Variants in DNAH12 observed in about 807,000 individuals in gnomAD.
The protein encoded by DNAH12 is axonemal beta dynein heavy chain 12.
DNAH12 carries 285 observed loss-of-function variants against 371.5 expected under a neutral mutation model. The observed-to-expected ratio is 0.77, with a 90% CI of 0.70 to 0.85. The LOEUF (loss-of-function observed/expected upper bound fraction) is 0.85, where lower values mean the gene tolerates loss of function less well. Among genes scored for constraint, DNAH12 ranks in the 40% least tolerant of loss-of-function variants. The pLI, the probability that DNAH12 is intolerant of heterozygous loss-of-function variation, is 0.00. For missense variants in DNAH12, 3,611 were observed against 3,689.4 expected (o/e 0.98, Z 0.55); for synonymous variants, 1,200 against 1,213.0 (o/e 0.99, Z 0.22).
intron 25 of DNAH12, among the ~76,000 whole-genome samples, chr3:57,451,300 TTAGCAAA>T (rs2065749552): frequency 6.6e-6 from 1 of 152,190 alleles, no homozygotes; most frequent in Non-Finnish European, 1.5e-5. Context: ...GTTGCCAGAT[TTAGCAAA>T]TAAAAATACA....
At chr3:57,414,283 A>G (rs930320180) in intron 38 of DNAH12, among the ~76,000 whole-genome samples, 2 of 152,220 alleles carry the variant, frequency 1.3e-5, no homozygotes, top group African/African-American at 4.8e-5. Flanking sequence ...TTTGTATAGT[A>G]TATGCATGTT....
At chr3:57,398,275 A>T (rs1314897295) in intron 43 of DNAH12, among the ~76,000 whole-genome samples, 3 of 152,194 alleles carry the variant, frequency 2.0e-5, no homozygotes, top group African/African-American at 7.2e-5. Flanking sequence ...AAGGTGGAGC[A>T]AGCCTAAGGG....
chr3:57,298,851 G>A (rs965783054), intron 70 of DNAH12, among the ~76,000 whole-genome samples: 4 of 152,138 alleles, frequency 2.6e-5, no homozygotes, highest in Admixed American at 2.0e-4. Context: ...TCCCCTGTAA[G>A]CTCTTGGCAG....
chr3:57,521,899 A>G (rs1221737880), intron 4 of DNAH12, among the ~76,000 whole-genome samples: 3 of 151,960 alleles, frequency 2.0e-5, no homozygotes, highest in Non-Finnish European at 4.4e-5. Flanking sequence ...AAAAAGAGAC[A>G]GGTGGAGGTC....
chr3:57,543,922 C>T (rs1343423511), intron 1 of DNAH12, among the ~76,000 whole-genome samples: 5 of 152,012 alleles, frequency 3.3e-5, no homozygotes, highest in African/African-American at 1.2e-4. Context: ...TGGCAGGCGC[C>T]TGTAATCCCA....
chr3:57,391,518 T>C (rs1346985391), intron 45 of DNAH12, among the ~76,000 whole-genome samples: 1 of 152,192 alleles, frequency 6.6e-6, no homozygotes, highest in Non-Finnish European at 1.5e-5. Context: ...AATAAATTTC[T>C]TTACATACAA....
intron 2 of DNAH12, among the ~76,000 whole-genome samples, chr3:57,530,030 G>C (rs2068786727): frequency 6.6e-6 from 1 of 151,944 alleles, no homozygotes; most frequent in South Asian, 2.1e-4. Flanking sequence ...ATTTCCATCT[G>C]TTTGTATAGT....
upstream of DNAH12, among the ~76,000 whole-genome samples, chr3:57,546,666 AAAT>A (rs2069580486): frequency 6.6e-6 from 1 of 152,206 alleles, no homozygotes; most frequent in East Asian, 1.9e-4. Flanking sequence ...TGGTTAGGCT[AAAT>A]TAGAAGAACT....
rs114028076 is a variant in DNAH12, at chr3:57,438,640, C to A, written c.4546-1580G>T. 9.4e-3 allele frequency among the ~76,000 whole-genome samples: 1,430 copies of A among 152,056 alleles called. 25 individuals are homozygous for A. The highest frequency in any genetic ancestry group is 0.032 in the African/African-American group (1,334 of 41,472). On this transcript the variant is annotated intron_variant, in intron 29 of 73. Coordinates refer to ENST00000495027, the MANE Select transcript of DNAH12 (RefSeq NM_001366028.2). ...AGCATTTCCACACACCAATAACATT[C>A]AAGCTGAAAGTTATATCAAGAATGC...
chr3:57,434,610 AC>A (rs2065062983), intron 30 of DNAH12, among the ~76,000 whole-genome samples: 2 of 152,312 alleles, frequency 1.3e-5, no homozygotes, highest in African/African-American at 4.8e-5. Context: ...AATAAAAAAA[AC>A]CTAATGTGGC....
intron 43 of DNAH12, among the ~76,000 whole-genome samples, chr3:57,399,566 G>T (rs1470830184): frequency 2.0e-5 from 3 of 152,138 alleles, no homozygotes; most frequent in African/African-American, 7.2e-5. Flanking sequence ...ACAACCACAA[G>T]AAAGGATATT....
At chr3:57,357,458 A>G (rs1481514319) in intron 58 of DNAH12, 110 bp from the exon 59 acceptor site, 2 of 152,198 alleles carry the variant, frequency 1.3e-5, no homozygotes, top group Non-Finnish European at 2.9e-5. Flanking sequence ...CAATAACAGT[A>G]TATGAGTTTA....
chr3:57,402,397 T>C (rs1476299106), intron 43 of DNAH12: 3 of 1,304,918 alleles, frequency 2.3e-6, no homozygotes, highest in Non-Finnish European at 3.0e-6. Flanking sequence ...TGCACTCCAC[T>C]ATCCTGTTGG....
chr3:57,316,129 TCC>T (rs1426555075), intron 65 of DNAH12, among the ~76,000 whole-genome samples: 5 of 124,768 alleles, frequency 4.0e-5, no homozygotes, highest in African/African-American at 1.7e-4. Flanking sequence ...AATAACCCCT[TCC>T]CCTTTTTTTT....
intron 62 of DNAH12, among the ~76,000 whole-genome samples, chr3:57,328,659 G>T (rs1420561010): frequency 6.9e-6 from 1 of 145,748 alleles, no homozygotes; most frequent in Non-Finnish European, 1.5e-5. Context: ...ACAAGACAGG[G>T]ATGCCCTCTC....
intron 12 of DNAH12, among the ~76,000 whole-genome samples, chr3:57,487,200 CT>C (rs2066947119): frequency 1.3e-5 from 2 of 150,942 alleles, no homozygotes; most frequent in Admixed American, 1.3e-4. Flanking sequence ...CTTTGGGAGG[CT>C]GAGGAGGGAG....
At position 57,459,806 on chromosome 3, in the gene DNAH12, C is replaced by T; in HGVS notation, c.2737-20G>A. 2.2e-6 allele frequency: 3 copies of T among 1,348,954 alleles called. No homozygotes were observed. The highest frequency in any genetic ancestry group is 2.9e-6 in the Non-Finnish European group (3 of 1,038,298). The allele number at this position is 1,348,954 out of a possible 1,614,324, so 83.6% of individuals were successfully genotyped here. On this transcript the variant is annotated intron_variant, in intron 19 of 73. Transcript: ENST00000495027. ...CCAGGCCTTAATGAAAAGTATACTGCACTAAATTCTAGTTATTAAAGAAAG... is the reference window on the plus strand; with the variant it reads ...CCAGGCCTTAATGAAAAGTATACTGTACTAAATTCTAGTTATTAAAGAAAG...
chr3:57,354,876 C>A (rs1340507851), intron 59 of DNAH12, among the ~76,000 whole-genome samples: 1 of 152,132 alleles, frequency 6.6e-6, no homozygotes, highest in Non-Finnish European at 1.5e-5. Context: ...AATCTCAAAA[C>A]ATTACATGCC....
In DNAH12 at chr3:57,507,754, T is replaced by C. The variant is rs1359450020; in HGVS notation, c.786A>G (p.Thr262=). ...AGAGATTTATAACCTTTGGATACCA[T>C]GTATTCATTATCTTCTCTTCTGCGT... ...TRNAEEKIMN[T]WYPKVINLFT... is the part of the protein sequence containing the mutation. The change falls in exon 8 of 74, where the codon ACA becomes ACG. Residue 262 remains threonine (T), a synonymous_variant. Transcript: ENST00000495027. The C allele has an allele frequency of 1.2e-6, 2 of 1,611,634 alleles. No individual in the cohort carries two copies. The highest frequency in any genetic ancestry group is 1.7e-5 in the Admixed American group (1 of 59,154).
Sources: allele counts gnomAD v4.1 joint callset (sites outside exome capture counted in the v4.1 genomes callset), GRCh38; gene constraint gnomAD v4.1.1; transcripts MANE v1.5; gene names NCBI Gene and HGNC (gene_info 2026-07-23, HGNC 2026-07-21).